Variants in MARK1 observed in about 807,000 individuals in gnomAD.
MARK1 encodes serine/threonine-protein kinase MARK1.
MARK1 carries 40 observed loss-of-function variants against 96.3 expected under a neutral mutation model. The ratio of observed to expected loss-of-function variants is 0.42; its 90% CI spans 0.32 to 0.54. The LOEUF is 0.54. Among genes scored for constraint, MARK1 ranks in the 20% least tolerant of loss-of-function variants. MARK1 has a pLI of 0.16. For missense variants in MARK1, 719 were observed against 984.6 expected (o/e 0.73, Z 3.61); for synonymous variants, 317 against 341.2 (o/e 0.93, Z 0.78).
chr1:220,619,501 A>G (rs1348626437), intron 9 of MARK1, among the ~76,000 whole-genome samples: 1 of 152,184 alleles, frequency 6.6e-6, no homozygotes, highest in Non-Finnish European at 1.5e-5. Context: ...TAAAAATGTA[A>G]TAGAAACCTC....
intron 1 of MARK1, among the ~76,000 whole-genome samples, chr1:220,549,052 G>T (rs1165844765): frequency 6.6e-6 from 1 of 152,136 alleles, no homozygotes; most frequent in Non-Finnish European, 1.5e-5. Context: ...CTCCCTGTTC[G>T]CCTCCTCTGT....
intron 16 of MARK1, among the ~76,000 whole-genome samples, chr1:220,656,867 T>C (rs1298253932): frequency 2.0e-5 from 3 of 152,208 alleles, no homozygotes; most frequent in Non-Finnish European, 4.4e-5. Context: ...GTTCATATTC[T>C]TAAGAACAAT....
chr1:220,528,922 C>G, intron 1 of MARK1, 49 bp downstream of exon 1: 1 of 1,502,030 alleles, frequency 6.7e-7, no homozygotes. Context: ...AGACCCTCCT[C>G]TGATCCCCAC....
At chr1:220,560,290 C>T (rs907210934) in intron 1 of MARK1, among the ~76,000 whole-genome samples, 1 of 152,108 alleles carries the variant, frequency 6.6e-6, no homozygotes, top group Non-Finnish European at 1.5e-5. Context: ...TATGAAAGAT[C>T]CCCCCAGTGG....
At chr1:220,546,947 G>C (rs1054008385) in intron 1 of MARK1, among the ~76,000 whole-genome samples, 2 of 148,664 alleles carry the variant, frequency 1.3e-5, no homozygotes, top group African/African-American at 5.0e-5. Flanking sequence ...ACTCCAGCCT[G>C]GGCAACAGAG....
chr1:220,609,117 C>CTTT (rs551290174), intron 6 of MARK1, among the ~76,000 whole-genome samples: 3 of 151,104 alleles, frequency 2.0e-5, no homozygotes, highest in Admixed American at 1.3e-4. Context: ...TCCTTGTTAA[C>CTTT]CTGTCTCATT....
intron 12 of MARK1, 86 bp from the exon 13 acceptor site, chr1:220,635,747 T>G (rs1667924775): frequency 8.0e-7 from 1 of 1,255,984 alleles, no homozygotes; most frequent in African/African-American, 1.5e-5. Context: ...CAAATATGGA[T>G]AATTTTAATA....
chr1:220,641,663 C>G (rs543524810), intron 13 of MARK1, among the ~76,000 whole-genome samples: 2 of 151,864 alleles, frequency 1.3e-5, no homozygotes, highest in African/African-American at 4.8e-5. Flanking sequence ...TCTGCATCTC[C>G]CACCGAGAGG....
At chr1:220,622,282 C>T (rs570556176) in intron 9 of MARK1, among the ~76,000 whole-genome samples, 44 of 152,258 alleles carry the variant, frequency 2.9e-4, no homozygotes, top group Admixed American at 9.8e-4. Flanking sequence ...CCAAGATGGA[C>T]TATATTACCT....
chr1:220,614,140 TGG>T (rs1377323868), intron 6 of MARK1, among the ~76,000 whole-genome samples: 1 of 152,094 alleles, frequency 6.6e-6, no homozygotes, highest in African/African-American at 2.4e-5. Flanking sequence ...CCCGTGTAGC[TGG>T]GACCACAGGT....
At chr1:220,628,327 T>C (rs567857771) in intron 9 of MARK1, among the ~76,000 whole-genome samples, 14 of 152,288 alleles carry the variant, frequency 9.2e-5, no homozygotes, top group African/African-American at 3.4e-4. Flanking sequence ...TGCTCCTCCT[T>C]TGTAGTGAGC....
At chr1:220,597,005 A>G (rs997803829) in intron 3 of MARK1, among the ~76,000 whole-genome samples, 4 of 152,156 alleles carry the variant, frequency 2.6e-5, no homozygotes, top group African/African-American at 9.7e-5. Flanking sequence ...CAGTTAGCCT[A>G]ATGTTCTTAA....
chr1:220,642,165 C>G (rs572327098), intron 13 of MARK1, among the ~76,000 whole-genome samples: 1 of 152,212 alleles, frequency 6.6e-6, no homozygotes, highest in Non-Finnish European at 1.5e-5. Context: ...ATGGATCCCC[C>G]GCAAGCTAAG....
chr1:220,662,121 C>G lies in MARK1; in HGVS notation c.2343C>G (p.Ala781=), dbSNP rs751690743. The G allele has an allele frequency of 1.9e-6, 3 of 1,613,504 alleles. No individual in the cohort carries two copies. The highest frequency in any genetic ancestry group is 2.7e-5 in the African/African-American group (2 of 74,902). The change falls in exon 18 of 18, where the codon GCC becomes GCG. Residue 781 remains alanine (A), a synonymous_variant. Coordinates refer to ENST00000366917, the MANE Select transcript of MARK1 (RefSeq NM_018650.5). ...AGCGAATATCTGGGACATCTATTGC[C>G]TTTAAGAACATTGCATCAAAAATAG... ...RFKRISGTSI[A]FKNIASKIAN... is the part of the protein sequence containing the mutation.
At chr1:220,571,249 G>A (rs988796607) in intron 1 of MARK1, among the ~76,000 whole-genome samples, 2 of 152,126 alleles carry the variant, frequency 1.3e-5, no homozygotes, top group African/African-American at 4.8e-5. Context: ...TATATTGAAT[G>A]ATAATGCATG....
In MARK1 at chr1:220,528,742, C is replaced by T; in HGVS notation, c.-81C>T. ...CGCCCCGGCCTTGTGCTCGCGTCCG[C>T]ACCCCTTTCCTGTCGCCCCCCGGGG... On this transcript the variant is annotated 5_prime_UTR_variant, in exon 1 of 18. Coordinates refer to ENST00000366917, the MANE Select transcript of MARK1 (RefSeq NM_018650.5). 1 of 1,355,958 alleles carries T rather than the reference C, an allele frequency of 7.4e-7. No individual in the cohort carries two copies. The highest frequency in any genetic ancestry group is 1.0e-6 in the Non-Finnish European group (1 of 992,280). The allele number at this position is 1,355,958 out of a possible 1,614,324, so 84.0% of individuals were successfully genotyped here.
intron 1 of MARK1, among the ~76,000 whole-genome samples, chr1:220,543,323 A>G (rs939354933): frequency 3.9e-5 from 6 of 152,234 alleles, no homozygotes; most frequent in Non-Finnish European, 5.9e-5. Flanking sequence ...CTCAAGAAAC[A>G]TTCATTTGTA....
rs1424921211 is a variant in MARK1 at position 220,664,437 on chromosome 1, T to C, written c.*2271T>C. ...ATATTATTTGATATGACATCCCTTA[T>C]ATTAAATTAATTATTTTGTAGAAAC... On this transcript the variant is annotated 3_prime_UTR_variant, in exon 18 of 18. Coordinates refer to ENST00000366917, the MANE Select transcript of MARK1 (RefSeq NM_018650.5). 6.6e-6 allele frequency: 1 copy of C among 152,130 alleles called. No homozygotes were observed. The highest frequency in any genetic ancestry group is 2.4e-5 in the African/African-American group (1 of 41,358). The allele number at this position is 152,130 out of a possible 1,614,324, so 9.4% of individuals were successfully genotyped here.
Position 220,528,159 on chromosome 1 carries a change from C to T in MARK1, c.-664C>T, listed in dbSNP as rs1473737117. On this transcript the variant is annotated 5_prime_UTR_variant, in exon 1 of 18. Coordinates refer to ENST00000366917, the MANE Select transcript of MARK1 (RefSeq NM_018650.5). ...CCACCCGGCGGCGGCCGCCAAGTGC[C>T]TCTGGGCGCTGCGTGCCGCGCCCGC... The T allele has an allele frequency of 4.6e-5, 7 of 150,588 alleles. No individual in the cohort carries two copies. The highest frequency in any genetic ancestry group is 1.5e-4 in the African/African-American group (6 of 41,220). 9.3% of individuals were successfully genotyped at this position (150,588 alleles called of 1,614,324 possible). A position where few individuals can be genotyped will look rare whatever the true frequency, so the allele number is the denominator to read the frequency against.
Sources: allele counts gnomAD v4.1 joint callset (sites outside exome capture counted in the v4.1 genomes callset), GRCh38; gene constraint gnomAD v4.1.1; transcripts MANE v1.5; gene names NCBI Gene and HGNC (gene_info 2026-07-23, HGNC 2026-07-21).